The following ZCCHC9 variants were observed in gnomAD, a reference collection of about 807,000 sequenced individuals.
ZCCHC9 encodes zinc finger CCHC domain-containing protein 9.
ZCCHC9 carries 18 observed loss-of-function variants against 30.8 expected under a neutral mutation model. The observed-to-expected ratio is 0.58, with a 90% confidence interval of 0.40 to 0.87. ZCCHC9 has a LOEUF of 0.87. Ranked by LOEUF, ZCCHC9 falls within the 40% of genes least tolerant of loss-of-function variation. ZCCHC9 has a pLI of 0.00. For synonymous variants in ZCCHC9, 94 were observed against 106.7 expected, an observed-to-expected ratio of 0.88 and a Z score of 0.73; for missense variants, 279 against 331.2, an observed-to-expected ratio of 0.84 and a Z score of 1.22.
At chr5:81,305,882 C>T (rs773054338) in intron 2 of ZCCHC9, among the ~76,000 whole-genome samples, 36 of 152,254 alleles carry the variant, frequency 2.4e-4, no homozygotes, top group Non-Finnish European at 4.4e-4. Flanking sequence ...GTCCCTATTA[C>T]TTGGAAAGGA....
chr5:81,304,910 T>A lies in ZCCHC9; in HGVS notation c.153T>A (p.Asn51Lys). Residue 51 changes from asparagine (N) to lysine (K), a missense_variant, in exon 2 of 6, where the codon AAT becomes AAA. Asn to Lys is a moderately conservative substitution (Grantham distance 94, BLOSUM62 0). Transcript: ENST00000407610. ...AAGCCAATAGGCTATCCCTCAAAAA[T>A]GATGCACCCCAAGCAAAACATAAAA... ...QLEANRLSLK[N>K]DAPQAKHKKN... 6.2e-7 allele frequency: 1 copy of A among 1,613,880 alleles called. No homozygotes were observed. Among genetic ancestry groups the A allele is most frequent in the South Asian group, 1.1e-5 (1 of 91,052 alleles).
Position 81,304,778 on chromosome 5 carries a change from T to C in ZCCHC9, c.21T>C (p.Val7=). The change falls in exon 2 of 6, where the codon GTT becomes GTC. Residue 7 remains valine (V), a synonymous_variant. Coordinates refer to ENST00000407610, the MANE Select transcript of ZCCHC9 (RefSeq NM_001131035.2). ...AAATTATGACCAGGTGGGCCCGAGT[T>C]AGTACCACATATAACAAGAGACCCT... MTRWAR[V]STTYNKRPLP... 6.3e-7 allele frequency: 1 copy of C among 1,596,558 alleles called. No homozygotes were observed. Among genetic ancestry groups the C allele is most frequent in the African/African-American group, 1.4e-5 (1 of 73,774 alleles).
Position 81,312,751 on chromosome 5 carries a change from C to A in ZCCHC9, c.*89C>A. 1.1e-6 allele frequency: 1 copy of A among 939,396 alleles called. No individual in the cohort carries two copies. The highest frequency in any genetic ancestry group is 1.7e-6 in the Non-Finnish European group (1 of 588,470). The allele number at this position is 939,396 out of a possible 1,614,324, so 58.2% of individuals were successfully genotyped here. ...GAGTTAGAGTTGAGCTCCCCTGTAG[C>A]CAGGACTATGCTGTAGATATCAGTA... On this transcript the variant is annotated 3_prime_UTR_variant, in exon 6 of 6. Coordinates refer to ENST00000407610, the MANE Select transcript of ZCCHC9 (RefSeq NM_001131035.2).
In ZCCHC9 at chr5:81,312,829, C is replaced by T. The variant is rs1758334134; in HGVS notation, c.*167C>T. The T allele has an allele frequency of 1.0e-5, 5 of 478,442 alleles. No homozygotes were observed. In the South Asian group the frequency reaches 1.8e-4, roughly 17 times the overall value. 29.6% of individuals were successfully genotyped at this position (478,442 alleles called of 1,614,324 possible). A position where few individuals can be genotyped will look rare whatever the true frequency, so the allele number is the denominator to read the frequency against. On this transcript the variant is annotated 3_prime_UTR_variant, in exon 6 of 6. Transcript: ENST00000407610. ...TCTTTATTCTGTCTATCAAATAGTA[C>T]TTCTACCACTGTTTGGAGAAAATTG... is the stretch of plus-strand genomic sequence containing the variant.
At chr5:81,304,184 C>T (rs562978027) in intron 1 of ZCCHC9, 5 of 152,308 alleles carry the variant, frequency 3.3e-5, no homozygotes, top group East Asian at 1.9e-4. Context: ...TAAGAGGAAG[C>T]CCGGGATCAT....
intron 1 of ZCCHC9, chr5:81,304,002 A>G (rs958725464): frequency 1.3e-5 from 2 of 152,224 alleles, no homozygotes; most frequent in African/African-American, 4.8e-5. Flanking sequence ...TTCTTTATGT[A>G]TGTGCTCTAA....
intron 2 of ZCCHC9, among the ~76,000 whole-genome samples, chr5:81,306,873 ACTT>A (rs143941095): frequency 6.7e-4 from 102 of 152,290 alleles, no homozygotes; most frequent in African/African-American, 2.5e-3. Context: ...AGAAGCCAAG[ACTT>A]CTTATGGTGG....
chr5:81,309,102 C>A, intron 4 of ZCCHC9, 64 bp downstream of exon 4: 1 of 1,173,096 alleles, frequency 8.5e-7, no homozygotes, highest in Non-Finnish European at 1.2e-6. Context: ...ATTTAATTTA[C>A]ACTCAATCAC....
intron 5 of ZCCHC9, 118 bp from the exon 6 acceptor site, chr5:81,312,426 C>A: frequency 1.4e-6 from 1 of 738,280 alleles, no homozygotes; most frequent in South Asian, 1.8e-5. Context: ...GTGATGGAGT[C>A]TTCCCTCCTT....
rs1457041999 is a variant in ZCCHC9 at position 81,309,056 on chromosome 5, CAT to C, written c.628+22_628+23del. The C allele has an allele frequency of 1.3e-6, 2 of 1,562,492 alleles. No homozygotes were observed. Among genetic ancestry groups the C allele is most frequent in the East Asian group, 4.5e-5 (2 of 44,332 alleles). ...TGCTGATGGTAAGTACTGTTACCCT[CAT>C]ATAGCAGAAATGGTGAGTCATCGTG... On this transcript the variant is annotated intron_variant, in intron 4 of 5. Transcript: ENST00000407610.
At chr5:81,304,057 A>T (rs1409361908) in intron 1 of ZCCHC9, 1 of 152,274 alleles carries the variant, frequency 6.6e-6, no homozygotes, top group Non-Finnish European at 1.5e-5. Flanking sequence ...TATTAAGAGT[A>T]TAAAAACAAG....
intron 5 of ZCCHC9, among the ~76,000 whole-genome samples, chr5:81,312,076 T>TA (rs1758307504): frequency 6.6e-6 from 1 of 152,238 alleles, no homozygotes; most frequent in African/African-American, 2.4e-5. Context: ...CTTTAGTACA[T>TA]TGTAGGCAGT....
chr5:81,310,403 A>G (rs1028900706), intron 4 of ZCCHC9, among the ~76,000 whole-genome samples: 2 of 152,154 alleles, frequency 1.3e-5, no homozygotes, highest in African/African-American at 4.8e-5. Flanking sequence ...GAGGTAAAGC[A>G]TTATGTTGGG....
chr5:81,310,354 G>T (rs1182679375), intron 4 of ZCCHC9, among the ~76,000 whole-genome samples: 3 of 152,006 alleles, frequency 2.0e-5, no homozygotes, highest in African/African-American at 7.2e-5. Flanking sequence ...TTTTTGTATG[G>T]TACATTTGAT....
chr5:81,306,154 C>T (rs1426376483), intron 2 of ZCCHC9, among the ~76,000 whole-genome samples: 1 of 152,156 alleles, frequency 6.6e-6, no homozygotes, highest in Non-Finnish European at 1.5e-5. Context: ...TTTCCCAAGC[C>T]TCCTAGTACA....
At chr5:81,308,023 A>AAATCTATCTG (rs1554049984) in intron 2 of ZCCHC9, among the ~76,000 whole-genome samples, 4,302 of 15,628 alleles carry the variant, frequency 0.28, 247 homozygotes, top group Non-Finnish European at 0.36. Context: ...AAAAAAAAAA[A>AAATCTATCTG]TCTATCTATC....
chr5:81,308,022 A>AAATCTATCTATCTATCTATCT (rs34237879), intron 2 of ZCCHC9, among the ~76,000 whole-genome samples: 13 of 68,348 alleles, frequency 1.9e-4, no homozygotes, highest in Non-Finnish European at 2.5e-4. Flanking sequence ...AAAAAAAAAA[A>AAATCTATCTATCTATCTATCT]ATCTATCTAT....
chr5:81,311,173 G>T (rs1255987878), intron 4 of ZCCHC9, 38 bp from the exon 5 acceptor site: 1 of 1,611,230 alleles, frequency 6.2e-7, no homozygotes, highest in East Asian at 2.2e-5. Flanking sequence ...CCCCTTGCAA[G>T]TATGAGATGG....
In ZCCHC9 at chr5:81,304,952, A is replaced by C. The variant is rs140849450; in HGVS notation, c.195A>C (p.Lys65Asn). 103 of 1,613,744 alleles carry C rather than the reference A, an allele frequency of 6.4e-5. No homozygotes were observed. In the African/African-American group the frequency reaches 1.2e-3, roughly 19 times the overall value. Residue 65 changes from lysine to asparagine, a missense_variant, in exon 2 of 6, where the codon AAA becomes AAC. Transcript: ENST00000407610. ...QAKHKKNKKKKEYLNEDVNGF... is the reference protein window; with the variant it reads ...QAKHKKNKKKNEYLNEDVNGF... The stretch of plus-strand genomic sequence containing the variant: ...AACATAAAAAGAACAAAAAGAAAAA[A>C]GAGTACTTAAATGAAGATGTGAATG...
Sources: gnomAD v4.1 joint callset for allele counts (sites outside exome capture counted in the v4.1 genomes callset) on GRCh38, gnomAD v4.1.1 for gene constraint, MANE v1.5 for transcripts, NCBI Gene and HGNC (gene_info 2026-07-23, HGNC 2026-07-21) for gene names.